The following CLIC6 variants were observed in gnomAD, a reference collection of about 807,000 sequenced individuals.
CLIC6 encodes the protein chloride intracellular channel protein 6.
Under a neutral mutation model 49.2 loss-of-function variants are expected in CLIC6, and 39 were observed. The observed-to-expected ratio is 0.79, with a 90% CI of 0.61 to 1.04. The LOEUF (loss-of-function observed/expected upper bound fraction) is 1.04. Among genes scored for constraint, CLIC6 ranks in the 50% least tolerant of loss-of-function variants. CLIC6 has a pLI of 0.00. For missense variants in CLIC6, 988 were observed against 993.1 expected (o/e 0.99, Z 0.07); for synonymous variants, 446 against 433.4 (o/e 1.03, Z -0.36).
intron 5 of CLIC6, among the ~76,000 whole-genome samples, chr21:34,712,982 A>C (rs1229064694): frequency 6.6e-6 from 1 of 152,114 alleles, no homozygotes; most frequent in African/African-American, 2.4e-5. Context: ...CTTGGGAGCA[A>C]ATATTCCAGT....
At chr21:34,695,971 A>C (rs548780417) in intron 1 of CLIC6, among the ~76,000 whole-genome samples, 2 of 152,290 alleles carry the variant, frequency 1.3e-5, no homozygotes, top group East Asian at 3.9e-4. Context: ...GCTTTGCAGG[A>C]CTTCCTGGTT....
intron 5 of CLIC6, 112 bp from the exon 6 acceptor site, chr21:34,716,209 C>A (rs1183308884): frequency 1.1e-6 from 1 of 902,062 alleles, no homozygotes; most frequent in Admixed American, 2.3e-5. Flanking sequence ...TGTGGGATGA[C>A]ATGGGAAACT....
chr21:34,682,393 G>A (rs1989794403), intron 1 of CLIC6, among the ~76,000 whole-genome samples: 1 of 152,128 alleles, frequency 6.6e-6, no homozygotes, highest in African/African-American at 2.4e-5. Context: ...CTTTTATTAT[G>A]TGTGAGGTCG....
At chr21:34,671,704 C>G (rs1011720698) in intron 1 of CLIC6, among the ~76,000 whole-genome samples, 2 of 152,186 alleles carry the variant, frequency 1.3e-5, no homozygotes, top group African/African-American at 2.4e-5. Context: ...GAATCATAAT[C>G]CTTCAGAAAT....
chr21:34,688,056 T>C lies in CLIC6; in HGVS notation c.1374+17294T>C, dbSNP rs148005078. Among the ~76,000 whole-genome samples, 127 of 152,302 alleles carry C rather than the reference T, an allele frequency of 8.3e-4. 2 individuals carry two copies. In the East Asian group the frequency reaches 0.024, roughly 29 times the overall value. ...AAGTCAGTCTAGAAAGTGTGGACTT[T>C]TATTTATTTACAAAAAAAAATTTCT... On this transcript the variant is annotated intron_variant, in intron 1 of 5. Transcript: ENST00000349499.
Position 34,701,059 on chromosome 21 carries a change from C to T in CLIC6, c.1375-6221C>T, listed in dbSNP as rs1391016817. On this transcript the variant is annotated intron_variant, in intron 1 of 5. Transcript: ENST00000349499. ...TGTTACTTTTTAGGAGAAAAAAAAT[C>T]AGTGAGGCCGAGGCGGGTGGATCAT... Among the ~76,000 whole-genome samples, 4 of 119,196 alleles carry T rather than the reference C, an allele frequency of 3.4e-5. 1 individual carries two copies. The highest frequency in any genetic ancestry group is 1.4e-4 in the African/African-American group (4 of 28,092). The allele number at this position is 119,196 out of a possible 152,430, so 78.2% of individuals were successfully genotyped here.
chr21:34,707,436 T>TACACAC, intron 2 of CLIC6, 47 bp downstream of exon 2: 1 of 647,960 alleles, frequency 1.5e-6, no homozygotes. Context: ...CCTAGTTCTC[T>TACACAC]GCACACACAC....
intron 1 of CLIC6, among the ~76,000 whole-genome samples, chr21:34,674,454 A>G (rs1358702852): frequency 1.3e-5 from 2 of 152,230 alleles, no homozygotes; most frequent in Admixed American, 6.5e-5. Flanking sequence ...GTCATGGCTA[A>G]CTATGTAGTA....
intron 1 of CLIC6, among the ~76,000 whole-genome samples, chr21:34,690,082 C>CT (rs1989962266): frequency 6.6e-6 from 1 of 152,186 alleles, no homozygotes; most frequent in Non-Finnish European, 1.5e-5. Flanking sequence ...TTGTTTGGAG[C>CT]TTCCGGCAGG....
At chr21:34,702,642 T>C (rs1006145383) in intron 1 of CLIC6, among the ~76,000 whole-genome samples, 1 of 152,194 alleles carries the variant, frequency 6.6e-6, no homozygotes, top group Admixed American at 6.5e-5. Context: ...GCTGGCTGTG[T>C]GGCTTGAAGG....
At chr21:34,677,200 A>G (rs1348201895) in intron 1 of CLIC6, among the ~76,000 whole-genome samples, 2 of 152,208 alleles carry the variant, frequency 1.3e-5, no homozygotes, top group Non-Finnish European at 2.9e-5. Context: ...TAATGCTGCT[A>G]TGAAAATTTC....
At chr21:34,688,784 C>A (rs1464622018) in intron 1 of CLIC6, among the ~76,000 whole-genome samples, 1 of 152,162 alleles carries the variant, frequency 6.6e-6, no homozygotes, top group African/African-American at 2.4e-5. Flanking sequence ...CTAAGGGAGA[C>A]TTGACTTGTT....
At position 34,669,563 on chromosome 21, in the gene CLIC6, G is replaced by C; in HGVS notation, c.175G>C (p.Glu59Gln). Residue 59 changes from glutamate to glutamine, a missense_variant, in exon 1 of 6, where the codon GAG becomes CAG. By Grantham distance (29) the Glu-to-Gln change is conservative. Around this residue, in one of 3 missense-constraint regions of CLIC6, gnomAD observed 284 missense variants for 278.6 expected, o/e 1.02. Coordinates refer to ENST00000349499, the MANE Select transcript of CLIC6 (RefSeq NM_053277.3). ...GCCGAGGGGCGCCGCCGCTGTGAAGGAGGCAGGAGGCGGCGGGCCAGACAG... is the reference window on the plus strand; with the variant it reads ...GCCGAGGGGCGCCGCCGCTGTGAAGCAGGCAGGAGGCGGCGGGCCAGACAG... ...EAPRGAAAVK[E>Q]AGGGGPDRGP... The C allele has an allele frequency of 8.0e-7, 1 of 1,251,158 alleles. No individual in the cohort carries two copies. 77.5% of individuals were successfully genotyped at this position (1,251,158 alleles called of 1,614,324 possible). A position where few individuals can be genotyped will look rare whatever the true frequency, so the allele number is the denominator to read the frequency against.
chr21:34,669,337 C>G lies in CLIC6; in HGVS notation c.-52C>G. On this transcript the variant is annotated 5_prime_UTR_variant, in exon 1 of 6. Transcript: ENST00000349499. ...ACGCCCCTTGCCCAGCGCCACCGACCCTTAAGCAGCGTCAAGGAAGGAGTC... is the reference window on the plus strand; with the variant it reads ...ACGCCCCTTGCCCAGCGCCACCGACGCTTAAGCAGCGTCAAGGAAGGAGTC... The G allele has an allele frequency of 4.1e-6, 5 of 1,225,094 alleles. No individual in the cohort carries two copies. Among genetic ancestry groups the G allele is most frequent in the Non-Finnish European group, 5.1e-6 (5 of 981,382 alleles). 75.9% of individuals were successfully genotyped at this position (1,225,094 alleles called of 1,614,324 possible).
rs959745452 is a variant in CLIC6 at position 34,700,759 on chromosome 21, C to CCTTA, written c.1375-6520_1375-6517dup. Among the ~76,000 whole-genome samples, 32 of 139,428 alleles carry CCTTA rather than the reference C, an allele frequency of 2.3e-4. 6 individuals carry two copies. Among genetic ancestry groups the CCTTA allele is most frequent in the African/African-American group, 8.9e-4 (31 of 34,904 alleles). The allele number at this position is 139,428 out of a possible 152,430, so 91.5% of individuals were successfully genotyped here. A position where few individuals can be genotyped will look rare whatever the true frequency, so the allele number is the denominator to read the frequency against. On this transcript the variant is annotated intron_variant, in intron 1 of 5. Transcript: ENST00000349499. ...CACCGACCCCAACAGTCAGAAGGGA[C>CCTTA]CTTAGCCTTTTCACCGCTACAGAGG...
At chr21:34,704,153 T>A (rs746561198) in intron 1 of CLIC6, among the ~76,000 whole-genome samples, 6 of 152,180 alleles carry the variant, frequency 3.9e-5, no homozygotes, top group Non-Finnish European at 5.9e-5. Context: ...GGCGACAGTG[T>A]CAGTTATTCC....
chr21:34,686,899 G>A (rs935378130), intron 1 of CLIC6, among the ~76,000 whole-genome samples: 1 of 152,158 alleles, frequency 6.6e-6, no homozygotes, highest in South Asian at 2.1e-4. Flanking sequence ...GCCCCTCAGA[G>A]CAGCCCATCT....
At chr21:34,696,552 A>G (rs1990092166) in intron 1 of CLIC6, among the ~76,000 whole-genome samples, 2 of 152,162 alleles carry the variant, frequency 1.3e-5, no homozygotes, top group Non-Finnish European at 2.9e-5. Flanking sequence ...GTGACCTTGG[A>G]CAAGTTTCTC....
intron 5 of CLIC6, among the ~76,000 whole-genome samples, chr21:34,711,298 A>G (rs2056054740): frequency 6.6e-6 from 1 of 152,152 alleles, no homozygotes; most frequent in African/African-American, 2.4e-5. Context: ...TTGGGAGGCC[A>G]AGATGGGCAG....
Sources: gnomAD v4.1 joint callset for allele counts (sites outside exome capture counted in the v4.1 genomes callset) on GRCh38, gnomAD v4.1.1 for gene constraint, gnomAD v4.1.1 regional missense constraint, MANE v1.5 for transcripts, NCBI Gene and HGNC (gene_info 2026-07-23, HGNC 2026-07-21) for gene names.